The following TBC1D12 variants were observed in gnomAD, a reference collection of about 807,000 sequenced individuals.
The protein encoded by TBC1D12 is TBC1 domain family, member 12.
TBC1D12 carries 56 observed loss-of-function variants against 86.7 expected under a neutral mutation model. The ratio of observed to expected loss-of-function variants is 0.65; its 90% CI spans 0.52 to 0.81. The LOEUF (loss-of-function observed/expected upper bound fraction) is 0.81. Among genes scored for constraint, TBC1D12 ranks in the 30% least tolerant of loss-of-function variants. TBC1D12 has a pLI of 0.00. For synonymous variants in TBC1D12, 421 were observed against 411.7 expected (o/e 1.02, Z -0.27); for missense variants, 1,023 against 1,038.8 (o/e 0.98, Z 0.21).
chr10:94,521,199 C>A (rs1270051513), intron 9 of TBC1D12, among the ~76,000 whole-genome samples: 5 of 144,380 alleles, frequency 3.5e-5, no homozygotes, highest in African/African-American at 1.3e-4. Flanking sequence ...TTGAGTGAGA[C>A]CCTGCTTCAA....
intron 9 of TBC1D12, among the ~76,000 whole-genome samples, chr10:94,517,881 G>A (rs57721947): frequency 0.022 from 3,342 of 152,202 alleles, 126 homozygotes; most frequent in African/African-American, 0.074. Context: ...GGCTGGGTGC[G>A]GTGGCTAATG....
intron 11 of TBC1D12, among the ~76,000 whole-genome samples, chr10:94,524,870 G>A (rs906009632): frequency 2.0e-5 from 3 of 150,090 alleles, no homozygotes; most frequent in Non-Finnish European, 4.4e-5. Flanking sequence ...TCTGTTGCCC[G>A]GGTTGGAGTG....
chr10:94,530,958 C>G (rs1044619429), intron 11 of TBC1D12, among the ~76,000 whole-genome samples: 1 of 147,704 alleles, frequency 6.8e-6, no homozygotes, highest in Non-Finnish European at 1.5e-5. Flanking sequence ...CTCCTGGGTT[C>G]GAGCGATTCT....
intron 1 of TBC1D12, among the ~76,000 whole-genome samples, chr10:94,439,263 T>C (rs1208465067): frequency 6.6e-6 from 1 of 152,244 alleles, no homozygotes; most frequent in Non-Finnish European, 1.5e-5. Flanking sequence ...ATCATGTTTT[T>C]GTGTCATATC....
Position 94,534,833 on chromosome 10 carries a change from T to C in TBC1D12, c.*1737T>C, listed in dbSNP as rs1842513633. On this transcript the variant is annotated 3_prime_UTR_variant, in exon 13 of 13. Coordinates refer to ENST00000225235, the MANE Select transcript of TBC1D12 (RefSeq NM_015188.2). ...TCCAGGTCAGATGAAGGAGGTGGTA[T>C]GCCTGGCTTAACTGCTGAAAATAGA... The C allele has an allele frequency of 6.6e-6, 1 of 152,192 alleles. No homozygotes were observed. The highest frequency in any genetic ancestry group is 2.4e-5 in the African/African-American group (1 of 41,440). 9.4% of individuals were successfully genotyped at this position (152,192 alleles called of 1,614,324 possible).
At chr10:94,441,750 C>G in intron 1 of TBC1D12, 146 bp from the exon 2 acceptor site, 1 of 720,758 alleles carries the variant, frequency 1.4e-6, no homozygotes, top group Non-Finnish European at 2.2e-6. Flanking sequence ...CCTTATTATT[C>G]TAAGTAATAG....
At chr10:94,405,682 T>C (rs538999444) in intron 1 of TBC1D12, among the ~76,000 whole-genome samples, 1 of 152,290 alleles carries the variant, frequency 6.6e-6, no homozygotes, top group East Asian at 1.9e-4. Flanking sequence ...TACTCTTGAG[T>C]TCTTGCTCTC....
chr10:94,525,269 C>A (rs573114373), intron 11 of TBC1D12, among the ~76,000 whole-genome samples: 3 of 151,862 alleles, frequency 2.0e-5, no homozygotes, highest in African/African-American at 7.3e-5. Flanking sequence ...TAGTGAAGGT[C>A]GAATCATTGC....
At chr10:94,496,740 G>A (rs966231675) in intron 4 of TBC1D12, among the ~76,000 whole-genome samples, 4 of 152,138 alleles carry the variant, frequency 2.6e-5, no homozygotes, top group Non-Finnish European at 5.9e-5. Flanking sequence ...GCACACATGT[G>A]TAGTCCAAGC....
rs556202524 is a variant in TBC1D12, at chr10:94,534,426, C to T, written c.*1330C>T. 3 of 152,244 alleles carry T rather than the reference C, an allele frequency of 2.0e-5. No homozygotes were observed. The South Asian group carries it at 6.2e-4, about 32-fold the overall frequency. The allele number at this position is 152,244 out of a possible 1,614,324, so 9.4% of individuals were successfully genotyped here. A position where few individuals can be genotyped will look rare whatever the true frequency, so the allele number is the denominator to read the frequency against. ...TCCAACTTCTGCTTCCTCACATTGG[C>T]CACTTTGCATAGGTTCGGGAACTTA... On this transcript the variant is annotated 3_prime_UTR_variant, in exon 13 of 13. Transcript: ENST00000225235.
intron 1 of TBC1D12, among the ~76,000 whole-genome samples, chr10:94,406,747 C>G (rs971500653): frequency 6.6e-6 from 1 of 152,226 alleles, no homozygotes; most frequent in East Asian, 1.9e-4. Flanking sequence ...CAGGTGAGGG[C>G]TCTCTTTGGA....
At chr10:94,525,832 A>G (rs11597895) in intron 11 of TBC1D12, among the ~76,000 whole-genome samples, 1 of 152,250 alleles carries the variant, frequency 6.6e-6, no homozygotes, top group Admixed American at 6.5e-5. Flanking sequence ...TTGACACATA[A>G]TAATTGTACA....
chr10:94,463,444 C>T (rs1250065405), intron 2 of TBC1D12, among the ~76,000 whole-genome samples: 4 of 152,142 alleles, frequency 2.6e-5, no homozygotes, highest in African/African-American at 9.7e-5. Context: ...GTCTCTTTTC[C>T]TTTTCTTATA....
chr10:94,518,046 G>A (rs1471353849), intron 9 of TBC1D12, among the ~76,000 whole-genome samples: 3 of 151,808 alleles, frequency 2.0e-5, no homozygotes, highest in African/African-American at 7.3e-5. Context: ...CGAGCTACTC[G>A]GGAGGCTGAG....
chr10:94,527,685 T>C (rs1344562232), intron 11 of TBC1D12, among the ~76,000 whole-genome samples: 6 of 152,200 alleles, frequency 3.9e-5, no homozygotes, highest in Admixed American at 2.0e-4. Context: ...CTGATAGTTT[T>C]ATAGTTTTGT....
chr10:94,531,176 G>C, intron 11 of TBC1D12, 26 bp from the exon 12 acceptor site: 1 of 1,591,066 alleles, frequency 6.3e-7, no homozygotes, highest in Non-Finnish European at 8.6e-7. Flanking sequence ...AAAAATTTCA[G>C]TGACCATTTT....
At chr10:94,528,083 A>G (rs1842341524) in intron 11 of TBC1D12, among the ~76,000 whole-genome samples, 1 of 151,710 alleles carries the variant, frequency 6.6e-6, no homozygotes, top group South Asian at 2.1e-4. Context: ...TTTTATATAA[A>G]TTTTAGGATG....
intron 1 of TBC1D12, among the ~76,000 whole-genome samples, chr10:94,412,312 C>T (rs1216948109): frequency 6.6e-6 from 1 of 152,214 alleles, no homozygotes; most frequent in East Asian, 1.9e-4. Context: ...TCCTCAGCTT[C>T]ACCACTGAAA....
chr10:94,531,759 T>TTATTTTATTTTATGTTATTTTATTTTATG (rs1564996741), intron 12 of TBC1D12, among the ~76,000 whole-genome samples: 1 of 66,558 alleles, frequency 1.5e-5, no homozygotes, highest in African/African-American at 4.1e-5. Flanking sequence ...GTTATTTTAT[T>TTATTTTATTTTATGTTATTTTATTTTATG]TTATTTTATT....
Sources: gnomAD v4.1 joint callset for allele counts (sites outside exome capture counted in the v4.1 genomes callset) on GRCh38, gnomAD v4.1.1 for gene constraint, MANE v1.5 for transcripts, NCBI Gene and HGNC (gene_info 2026-07-23, HGNC 2026-07-21) for gene names.